The following SVOPL variants were observed in gnomAD, a reference collection of about 807,000 sequenced individuals.
SVOPL encodes the protein putative transporter SVOPL.
SVOPL carries 60 observed loss-of-function variants against 61.0 expected under a neutral mutation model. The ratio of observed to expected loss-of-function variants is 0.98; its 90% CI spans 0.80 to 1.22. The LOEUF (loss-of-function observed/expected upper bound fraction) is 1.22. SVOPL is among the 50% of genes most tolerant of loss of function. The pLI, the probability that SVOPL is intolerant of heterozygous loss-of-function variation, is 0.00. For synonymous variants in SVOPL, 279 were observed against 250.0 expected (o/e 1.12, Z -1.09); for missense variants, 662 against 643.9 (o/e 1.03, Z -0.30).
At chr7:138,599,159 C>CAA (rs1336279820) in intron 14 of SVOPL, among the ~76,000 whole-genome samples, 4 of 82,738 alleles carry the variant, frequency 4.8e-5, no homozygotes, top group African/African-American at 1.3e-4. Context: ...AAAAAAAAAC[C>CAA]AAAAAAAAAA....
rs1486749242 is a variant in SVOPL, at chr7:138,663,634, T to C, written c.274-489A>G. On this transcript the variant is annotated intron_variant, in intron 4 of 15. Coordinates refer to ENST00000674285, the MANE Select transcript of SVOPL (RefSeq NM_001139456.2). ...CCTAAGATACACCTACTTCTTTTCC[T>C]TACTCGTTCTCACAATGGCCTGTCC... is the stretch of plus-strand genomic sequence containing the variant. 3 of 980,150 alleles carry C rather than the reference T, an allele frequency of 3.1e-6. No individual in the cohort carries two copies. The African/African-American group carries it at 5.2e-5, about 17-fold the overall frequency. 60.7% of individuals were successfully genotyped at this position (980,150 alleles called of 1,614,324 possible). A position where few individuals can be genotyped will look rare whatever the true frequency, so the allele number is the denominator to read the frequency against.
At position 138,672,128 on chromosome 7, in the gene SVOPL, A is replaced by G; in HGVS notation, c.175-11T>C. 3 of 1,551,184 alleles carry G rather than the reference A, an allele frequency of 1.9e-6. No homozygotes were observed. The highest frequency in any genetic ancestry group is 2.6e-6 in the Non-Finnish European group (3 of 1,146,570). On this transcript the variant is annotated splice_polypyrimidine_tract_variant and intron_variant, in intron 3 of 15. Transcript: ENST00000674285. ...CATGGCCTCAACCACCTTAAAGAAG[A>G]GGGACACCATGCCATGTCTAAGTGC... is the stretch of plus-strand genomic sequence containing the variant.
At chr7:138,605,905 A>T (rs1311196072) in intron 14 of SVOPL, among the ~76,000 whole-genome samples, 1 of 152,184 alleles carries the variant, frequency 6.6e-6, no homozygotes, top group African/African-American at 2.4e-5. Flanking sequence ...AACCTCTTGC[A>T]TGTGCAATTC....
rs150756353 is a variant in SVOPL at position 138,668,159 on chromosome 7, C to T, written c.273+3860G>A. 3.0e-3 allele frequency among the ~76,000 whole-genome samples: 454 copies of T among 152,152 alleles called. 3 individuals are homozygous for T. Among genetic ancestry groups the T allele is most frequent in the African/African-American group, 0.011 (436 of 41,518 alleles). On this transcript the variant is annotated intron_variant, in intron 4 of 15. Transcript: ENST00000674285. ...GGCACCCACTCAGGAACTCACTCAGCGCAAGAGGAAAGCGTCAATTCCCTA... is the reference window on the plus strand; with the variant it reads ...GGCACCCACTCAGGAACTCACTCAGTGCAAGAGGAAAGCGTCAATTCCCTA...
Position 138,645,186 on chromosome 7 carries a change from T to C in SVOPL, c.661-341A>G, listed in dbSNP as rs4732323. 3.2e-3 allele frequency among the ~76,000 whole-genome samples: 482 copies of C among 149,404 alleles called. 8 individuals are homozygous for C. Among genetic ancestry groups the C allele is most frequent in the East Asian group, 0.025 (122 of 4,854 alleles). ...CACCCCTCTCCACCCCCTCCCCCTC[T>C]CCAGGAACCCCAGGACCTCCCCACC... On this transcript the variant is annotated intron_variant, in intron 8 of 15. Coordinates refer to ENST00000674285, the MANE Select transcript of SVOPL (RefSeq NM_001139456.2).
intron 14 of SVOPL, among the ~76,000 whole-genome samples, chr7:138,615,258 T>TA (rs924938057): frequency 4.0e-5 from 6 of 151,784 alleles, no homozygotes; most frequent in African/African-American, 1.5e-4. Context: ...TTAGTGTCCT[T>TA]AAAAAAAGAG....
chr7:138,690,466 A>C (rs1403768020), intron 1 of SVOPL, among the ~76,000 whole-genome samples: 1 of 152,260 alleles, frequency 6.6e-6, no homozygotes, highest in Non-Finnish European at 1.5e-5. Context: ...TTCAGCAATA[A>C]GAAGGAATGG....
chr7:138,610,738 AC>A (rs1433422991), intron 14 of SVOPL, among the ~76,000 whole-genome samples: 1 of 152,184 alleles, frequency 6.6e-6, no homozygotes, highest in Non-Finnish European at 1.5e-5. Flanking sequence ...TCAAGGACAC[AC>A]CCTTATGAGG....
intron 8 of SVOPL, among the ~76,000 whole-genome samples, chr7:138,648,799 G>T (rs1257407599): frequency 6.6e-6 from 1 of 152,024 alleles, no homozygotes; most frequent in African/African-American, 2.4e-5. Flanking sequence ...GCACATGACT[G>T]TAATCCCAGC....
At chr7:138,698,937 G>T (rs1803130432) in intron 1 of SVOPL, among the ~76,000 whole-genome samples, 5 of 152,180 alleles carry the variant, frequency 3.3e-5, no homozygotes, top group Admixed American at 3.3e-4. Context: ...GATCACCTGA[G>T]GTCAGGAGTT....
rs571825666 is a variant in SVOPL, at chr7:138,612,734, C to T, written c.1353+8312G>A. On this transcript the variant is annotated intron_variant, in intron 14 of 15. Transcript: ENST00000674285. ...TTCACCATGTTGGCCAGGCTGGTCT[C>T]GAACTCCTGACCTCAGATGATCAAT... Among the ~76,000 whole-genome samples, 9 of 152,096 alleles carry T rather than the reference C, an allele frequency of 5.9e-5. No homozygotes were observed. In the South Asian group the frequency reaches 8.3e-4, roughly 14 times the overall value.
chr7:138,600,371 G>A (rs1584765020), intron 14 of SVOPL, among the ~76,000 whole-genome samples: 1 of 152,182 alleles, frequency 6.6e-6, no homozygotes, highest in East Asian at 1.9e-4. Context: ...GCTGAGCTGG[G>A]AGGATCTCTA....
In SVOPL at chr7:138,636,470, A is replaced by ATTT. The variant is rs34209936; in HGVS notation, c.790-6351_790-6349dup. On this transcript the variant is annotated intron_variant, in intron 9 of 15. Coordinates refer to ENST00000674285, the MANE Select transcript of SVOPL (RefSeq NM_001139456.2). Reference sequence around the variant, plus strand: ...CAACAAAATCTCAAACTCTCATAGGATTTTTCTTTTTTTTTTTTGAGACAG... The same window carrying ATTT: ...CAACAAAATCTCAAACTCTCATAGGATTTTTTTTCTTTTTTTTTTTTGAGACAG... Among the ~76,000 whole-genome samples the ATTT allele has an allele frequency of 1.2e-3, 170 of 142,920 alleles. 1 individual carries two copies. Among genetic ancestry groups the ATTT allele is most frequent in the African/African-American group, 4.2e-3 (158 of 38,044 alleles). The allele number at this position is 142,920 out of a possible 152,430, so 93.8% of individuals were successfully genotyped here.
Position 138,629,381 on chromosome 7 carries a change from C to A in SVOPL, c.863+668G>T, listed in dbSNP as rs189624275. On this transcript the variant is annotated intron_variant, in intron 10 of 15. Transcript: ENST00000674285. ...AAGTAGCTGGGATTACAGGCACCCA[C>A]CACCATGCCCAGCTAATTTTTTTGT... Among the ~76,000 whole-genome samples, 30 of 152,060 alleles carry A rather than the reference C, an allele frequency of 2.0e-4. No homozygotes were observed. The East Asian group carries it at 5.6e-3, about 28-fold the overall frequency.
intron 14 of SVOPL, among the ~76,000 whole-genome samples, chr7:138,603,975 T>C (rs1370882628): frequency 7.0e-6 from 1 of 143,766 alleles, no homozygotes; most frequent in African/African-American, 2.6e-5. Flanking sequence ...TTTTTTTTTT[T>C]TTTCATTGAG....
At chr7:138,619,489 T>C (rs113403098) in intron 14 of SVOPL, among the ~76,000 whole-genome samples, 1,294 of 126,724 alleles carry the variant, frequency 0.01, 18 homozygotes, top group African/African-American at 0.036. Flanking sequence ...TTTTGAAAAG[T>C]AAAAGCACCA....
In SVOPL at chr7:138,594,528, A is replaced by G; in HGVS notation, c.*82T>C. 7.1e-7 allele frequency: 1 copy of G among 1,417,638 alleles called. No individual in the cohort carries two copies. 87.8% of individuals were successfully genotyped at this position (1,417,638 alleles called of 1,614,324 possible). A position where few individuals can be genotyped will look rare whatever the true frequency, so the allele number is the denominator to read the frequency against. On this transcript the variant is annotated 3_prime_UTR_variant, in exon 16 of 16. Transcript: ENST00000674285. ...AATTACCGAGTAGCATACAGAAGTA[A>G]AACCAAGTTTTAAAAAAATGCACCG...
intron 4 of SVOPL, among the ~76,000 whole-genome samples, chr7:138,666,760 C>A (rs1802274042): frequency 6.6e-6 from 1 of 152,150 alleles, no homozygotes; most frequent in South Asian, 2.1e-4. Context: ...TAAAACCCTG[C>A]CCCAAAGTGA....
At chr7:138,617,170 G>A (rs931871758) in intron 14 of SVOPL, among the ~76,000 whole-genome samples, 1 of 151,842 alleles carries the variant, frequency 6.6e-6, no homozygotes, top group African/African-American at 2.4e-5. Flanking sequence ...AGGTTTCACC[G>A]TGTTGGCCAG....
Sources: allele counts gnomAD v4.1 joint callset (sites outside exome capture counted in the v4.1 genomes callset), GRCh38; gene constraint gnomAD v4.1.1; transcripts MANE v1.5; gene names NCBI Gene and HGNC (gene_info 2026-07-23, HGNC 2026-07-21).